The following OR2L13 variants were observed in gnomAD, a reference collection of about 807,000 sequenced individuals.
OR2L13 encodes the protein olfactory receptor 2L13.
A neutral mutation model predicts 15.3 loss-of-function variants in OR2L13; 14 were observed. That is an observed-to-expected ratio of 0.91 (90% CI 0.60 to 1.43). The LOEUF (loss-of-function observed/expected upper bound fraction) is 1.43. Among genes scored for constraint, OR2L13 ranks in the 40% most tolerant of loss-of-function variants. The probability of loss-of-function intolerance (pLI) is 0.00; values close to 1 mark genes in which losing one functional copy is unlikely to be tolerated. For synonymous variants in OR2L13, 152 were observed against 142.9 expected (o/e 1.06, Z -0.45); for missense variants, 367 against 387.9 (o/e 0.95, Z 0.45).
At chr1:247,941,361 TC>T in the OR2L13 span, among the ~76,000 whole-genome samples, 1 of 152,148 alleles carries the variant, frequency 6.6e-6, no homozygotes, top group Non-Finnish European at 1.5e-5. Flanking sequence ...AGGTTTGCTC[TC>T]TGAGGCATGT....
chr1:248,081,370 G>T, the OR2L13 span, among the ~76,000 whole-genome samples: 13,703 of 152,160 alleles, frequency 0.09, 826 homozygotes, highest in African/African-American at 0.17. Flanking sequence ...TTTGCTTGGA[G>T]ATAAAGTTCA....
the OR2L13 span, among the ~76,000 whole-genome samples, chr1:247,963,771 G>A: frequency 6.6e-6 from 1 of 152,000 alleles, no homozygotes; most frequent in Non-Finnish European, 1.5e-5. Context: ...GTACAAAAAG[G>A]GTTTCCAGTT....
the OR2L13 span, among the ~76,000 whole-genome samples, chr1:247,957,259 A>T: frequency 3.3e-5 from 5 of 152,196 alleles, no homozygotes; most frequent in Non-Finnish European, 7.3e-5. Context: ...TGATTTGCAT[A>T]TGTTGAACCA....
the OR2L13 span, chr1:247,990,980 C>CCT: frequency 1.3e-6 from 2 of 1,502,336 alleles, no homozygotes; most frequent in Non-Finnish European, 1.9e-6. Flanking sequence ...AAGGCCTATT[C>CCT]GACCTGCAGC....
At chr1:247,986,887 G>GA in the OR2L13 span, among the ~76,000 whole-genome samples, 3 of 152,020 alleles carry the variant, frequency 2.0e-5, no homozygotes, top group African/African-American at 7.3e-5. Context: ...AGTAACTTTG[G>GA]ATATTATTGA....
chr1:248,016,307 GGT>G, the OR2L13 span, among the ~76,000 whole-genome samples: 1 of 152,008 alleles, frequency 6.6e-6, no homozygotes, highest in Non-Finnish European at 1.5e-5. Flanking sequence ...AGATTACATG[GGT>G]ATTTTTTTTG....
chr1:247,999,958 C>A, the OR2L13 span, among the ~76,000 whole-genome samples: 1 of 152,072 alleles, frequency 6.6e-6, no homozygotes, highest in African/African-American at 2.4e-5. Context: ...ACAGATATCA[C>A]TTCAGAAGAG....
chr1:248,042,470 C>T, the OR2L13 span, among the ~76,000 whole-genome samples: 1 of 151,824 alleles, frequency 6.6e-6, no homozygotes, highest in Non-Finnish European at 1.5e-5. Context: ...ATAACCTGCA[C>T]ATTGTGCACA....
chr1:248,071,884 C>G, the OR2L13 span, among the ~76,000 whole-genome samples: 1 of 151,272 alleles, frequency 6.6e-6, no homozygotes, highest in Admixed American at 6.6e-5. Context: ...ACAATTGCTT[C>G]AAAGAGAATA....
At chr1:248,074,422 G>A in the OR2L13 span, among the ~76,000 whole-genome samples, 2 of 151,044 alleles carry the variant, frequency 1.3e-5, no homozygotes, top group African/African-American at 4.9e-5. Context: ...CTTCATTGAC[G>A]ATATGATTCT....
chr1:248,100,127 A>T (rs765927416), exon 3 of OR2L13: 1 of 1,614,054 alleles, frequency 6.2e-7, no homozygotes. Flanking sequence ...ATCTTTTACT[A>T]TGCACCTTTT....
chr1:248,019,167 A>G, the OR2L13 span, among the ~76,000 whole-genome samples: 537 of 152,324 alleles, frequency 3.5e-3, 10 homozygotes, highest in African/African-American at 0.012. Context: ...TAGCTGGAGC[A>G]TATAATAATT....
At chr1:247,971,401 G>C in the OR2L13 span, among the ~76,000 whole-genome samples, 22 of 152,302 alleles carry the variant, frequency 1.4e-4, no homozygotes, top group Admixed American at 1.4e-3. Flanking sequence ...TGAGCCTGCA[G>C]GTTGTGCTCT....
the OR2L13 span, chr1:248,062,415 C>A: frequency 6.6e-6 from 1 of 152,176 alleles, no homozygotes; most frequent in East Asian, 1.9e-4. Context: ...ATATTGAAGA[C>A]ACTGTCTTTT....
chr1:248,050,802 G>A, the OR2L13 span, among the ~76,000 whole-genome samples: 3 of 152,136 alleles, frequency 2.0e-5, no homozygotes, highest in East Asian at 1.9e-4. Flanking sequence ...TAATCTTAAT[G>A]CCAATCTCAT....
At chr1:247,937,606 CA>C in the OR2L13 span, 244 of 162,228 alleles carry the variant, frequency 1.5e-3, 1 homozygote, top group African/African-American at 5.4e-3. Flanking sequence ...CCTCTTCCAT[CA>C]ACCCCTCAGC....
At chr1:248,054,696 T>C in the OR2L13 span, among the ~76,000 whole-genome samples, 1 of 152,208 alleles carries the variant, frequency 6.6e-6, no homozygotes, top group Non-Finnish European at 1.5e-5. Context: ...TTATTATCTT[T>C]GTGGCAATTA....
At chr1:248,012,919 AT>A in the OR2L13 span, among the ~76,000 whole-genome samples, 9 of 151,890 alleles carry the variant, frequency 5.9e-5, no homozygotes, top group Admixed American at 1.3e-4. Flanking sequence ...ACCATGAAAA[AT>A]TTGAGTACCT....
chr1:248,026,120 T>G, the OR2L13 span, among the ~76,000 whole-genome samples: 1 of 152,136 alleles, frequency 6.6e-6, no homozygotes, highest in South Asian at 2.1e-4. Flanking sequence ...AAAAATCATT[T>G]GGCAAATATA....
Sources: gnomAD v4.1 joint callset for allele counts (sites outside exome capture counted in the v4.1 genomes callset) on GRCh38, gnomAD v4.1.1 for gene constraint, MANE v1.5 for transcripts, NCBI Gene and HGNC (gene_info 2026-07-23, HGNC 2026-07-21) for gene names.